Variants in CSMD3 observed in about 807,000 individuals in gnomAD.
CSMD3 encodes CUB and sushi domain-containing protein 3.
A neutral mutation model predicts 435.2 loss-of-function variants in CSMD3; 177 were observed. The observed-to-expected ratio is 0.41, with a 90% CI of 0.36 to 0.46. The LOEUF is 0.46. CSMD3 is among the 20% of genes least tolerant of loss of function. The pLI, the probability that CSMD3 is intolerant of heterozygous loss-of-function variation, is 0.34. For missense variants in CSMD3, 4,265 were observed against 4,504.6 expected, an observed-to-expected ratio of 0.95 and a Z score of 1.52; for synonymous variants, 1,656 against 1,520.5, an observed-to-expected ratio of 1.09 and a Z score of -2.07.
At chr8:113,092,650 C>A (rs1564305736) in intron 5 of CSMD3, among the ~76,000 whole-genome samples, 1 of 152,032 alleles carries the variant, frequency 6.6e-6, no homozygotes. Flanking sequence ...TTTCCTTTTC[C>A]TTGTTCTTCT....
intron 5 of CSMD3, among the ~76,000 whole-genome samples, chr8:113,084,548 T>A (rs905270687): frequency 1.3e-5 from 2 of 148,680 alleles, no homozygotes; most frequent in Non-Finnish European, 3.0e-5. Flanking sequence ...ACAGATTCAA[T>A]GGAATCTCTA....
intron 49 of CSMD3, 113 bp downstream of exon 49, chr8:112,313,793 T>C (rs1586741740): frequency 1.1e-5 from 9 of 811,804 alleles, no homozygotes; most frequent in Non-Finnish European, 1.9e-5. Context: ...GAACCATCAA[T>C]GGAGGAGCTG....
intron 7 of CSMD3, among the ~76,000 whole-genome samples, chr8:112,974,655 A>G (rs1396549611): frequency 6.6e-6 from 1 of 151,884 alleles, no homozygotes; most frequent in African/African-American, 2.4e-5. Context: ...AATCTTTTTG[A>G]GAAGACTATT....
intron 8 of CSMD3, among the ~76,000 whole-genome samples, chr8:112,953,008 T>TA (rs2083881996): frequency 6.6e-6 from 1 of 151,476 alleles, no homozygotes; most frequent in Non-Finnish European, 1.5e-5. Context: ...ACATACATCT[T>TA]ACAATGCCTT....
intron 32 of CSMD3, among the ~76,000 whole-genome samples, chr8:112,450,478 T>C (rs1816135266): frequency 6.6e-6 from 1 of 152,302 alleles, no homozygotes; most frequent in African/African-American, 2.4e-5. Context: ...TATGACCTAC[T>C]TGGCACATGT....
intron 32 of CSMD3, among the ~76,000 whole-genome samples, chr8:112,449,015 T>G (rs2130576957): frequency 6.6e-6 from 1 of 152,244 alleles, no homozygotes; most frequent in African/African-American, 2.4e-5. Context: ...TCTGATTATA[T>G]TTCTTCAATT....
At chr8:112,869,158 G>C (rs953811384) in intron 10 of CSMD3, among the ~76,000 whole-genome samples, 6 of 152,182 alleles carry the variant, frequency 3.9e-5, no homozygotes, top group African/African-American at 9.6e-5. Context: ...AGCAGTGACA[G>C]TGTGCTTAGC....
At chr8:113,386,110 C>T (rs1007390725) in intron 1 of CSMD3, among the ~76,000 whole-genome samples, 35 of 151,896 alleles carry the variant, frequency 2.3e-4, no homozygotes, top group African/African-American at 8.0e-4. Flanking sequence ...AAATATTGTG[C>T]CAAAAATACA....
chr8:112,543,258 A>G (rs1393601098), intron 27 of CSMD3, among the ~76,000 whole-genome samples: 1 of 152,188 alleles, frequency 6.6e-6, no homozygotes. Flanking sequence ...AACAAGCAGG[A>G]ATACATCCAA....
intron 13 of CSMD3, among the ~76,000 whole-genome samples, chr8:112,729,525 T>C (rs2077032986): frequency 6.6e-6 from 1 of 152,114 alleles, no homozygotes; most frequent in Admixed American, 6.6e-5. Context: ...TCTATGTCAA[T>C]CTCTAGAATT....
At chr8:113,187,929 C>T (rs1588234415) in intron 3 of CSMD3, among the ~76,000 whole-genome samples, 2 of 151,924 alleles carry the variant, frequency 1.3e-5, no homozygotes, top group South Asian at 4.1e-4. Context: ...GTCAAATATT[C>T]ACTGCTTATC....
At chr8:112,545,488 A>AT (rs1827082560) in intron 27 of CSMD3, among the ~76,000 whole-genome samples, 2 of 140,486 alleles carry the variant, frequency 1.4e-5, no homozygotes, top group African/African-American at 5.4e-5. Context: ...ATCTCAAAAA[A>AT]AAAAAAAAAA....
intron 1 of CSMD3, among the ~76,000 whole-genome samples, chr8:113,407,940 C>A (rs759231677): frequency 6.6e-6 from 1 of 151,852 alleles, no homozygotes; most frequent in African/African-American, 2.4e-5. Context: ...CGCCTAGGAC[C>A]GTAGTTTAAA....
Position 112,279,433 on chromosome 8 carries a change from A to T in CSMD3, c.9508+1741T>A. On this transcript the variant is annotated intron_variant, in intron 59 of 70. Transcript: ENST00000297405. ...TTGTGGTCAGAGTGCCCATTGACCT[A>T]TAGCACCTGATACGGACATTTTGAA... Among the ~76,000 whole-genome samples, 2 of 152,182 alleles carry T rather than the reference A, an allele frequency of 1.3e-5. 1 individual carries two copies. Among genetic ancestry groups the T allele is most frequent in the Admixed American group, 1.3e-4 (2 of 15,278 alleles).
intron 59 of CSMD3, among the ~76,000 whole-genome samples, chr8:112,270,458 C>T (rs1402682541): frequency 1.3e-5 from 2 of 150,720 alleles, no homozygotes; most frequent in Admixed American, 6.7e-5. Flanking sequence ...GTGGGAAATT[C>T]TCAAAGGTAA....
At chr8:113,026,958 G>C (rs184174140) in intron 5 of CSMD3, among the ~76,000 whole-genome samples, 1 of 152,154 alleles carries the variant, frequency 6.6e-6, no homozygotes, top group East Asian at 1.9e-4. Flanking sequence ...GATCTGCATG[G>C]TATATATCGA....
chr8:112,729,414 A>G (rs192041421), intron 13 of CSMD3, among the ~76,000 whole-genome samples: 142 of 152,262 alleles, frequency 9.3e-4, no homozygotes, highest in African/African-American at 2.7e-3. Flanking sequence ...TGAGTGGTCA[A>G]TGATGATGGA....
intron 2 of CSMD3, chr8:113,310,761 C>T (rs2093861634): frequency 6.6e-6 from 1 of 151,596 alleles, no homozygotes. Context: ...CTGACCTAGA[C>T]ATCCTGTTTC....
At chr8:112,424,908 T>C (rs548662956) in intron 32 of CSMD3, among the ~76,000 whole-genome samples, 4 of 152,216 alleles carry the variant, frequency 2.6e-5, no homozygotes, top group African/African-American at 9.6e-5. Context: ...GCCAGGAGGG[T>C]CTCTATCTCT....
Sources: allele counts gnomAD v4.1 joint callset (sites outside exome capture counted in the v4.1 genomes callset), GRCh38; gene constraint gnomAD v4.1.1; transcripts MANE v1.5; gene names NCBI Gene and HGNC (gene_info 2026-07-23, HGNC 2026-07-21).